Variants in ZMYM2 observed in about 807,000 individuals in gnomAD.
ZMYM2 encodes zinc finger MYM-type containing 2.
ZMYM2 carries 56 observed loss-of-function variants against 162.8 expected under a neutral mutation model. The observed-to-expected ratio is 0.34, with a 90% CI of 0.28 to 0.43. The LOEUF (loss-of-function observed/expected upper bound fraction) is 0.43, where lower values mean the gene tolerates loss of function less well. ZMYM2 is among the 20% of genes least tolerant of loss of function. The pLI is 1.00. For missense variants in ZMYM2, 1,275 were observed against 1,621.8 expected (o/e 0.79, Z 3.67); for synonymous variants, 510 against 541.6 (o/e 0.94, Z 0.81).
the ZMYM2 span, among the ~76,000 whole-genome samples, chr13:19,904,295 G>T: frequency 6.6e-6 from 1 of 151,444 alleles, no homozygotes; most frequent in African/African-American, 2.4e-5. Context: ...GGTGGCTCAT[G>T]CCTGTAATCC....
chr13:19,957,696 C>T (rs1353487126), upstream of ZMYM2, among the ~76,000 whole-genome samples: 1 of 152,240 alleles, frequency 6.6e-6, no homozygotes, highest in Non-Finnish European at 1.5e-5. Context: ...CGGTGGCAGG[C>T]GGTAGAGAGG....
At chr13:20,061,281 T>C in intron 17 of ZMYM2, 57 bp downstream of exon 17, 1 of 1,558,508 alleles carries the variant, frequency 6.4e-7, no homozygotes, top group Non-Finnish European at 8.7e-7. Context: ...TATTTATAAG[T>C]ATTGTTACAG....
chr13:19,981,521 A>T (rs559720312), intron 2 of ZMYM2, among the ~76,000 whole-genome samples: 1 of 152,216 alleles, frequency 6.6e-6, no homozygotes, highest in South Asian at 2.1e-4. Context: ...CCTGCCTCTG[A>T]CCTGCAATAT....
chr13:19,951,353 G>A, the ZMYM2 span, among the ~76,000 whole-genome samples: 1 of 151,866 alleles, frequency 6.6e-6, no homozygotes, highest in Admixed American at 6.6e-5. Flanking sequence ...ATCCACAATA[G>A]GAACTCAAAT....
chr13:20,083,794 T>C lies in ZMYM2; in HGVS notation c.3941+18T>C. On this transcript the variant is annotated intron_variant, in intron 24 of 24. Transcript: ENST00000610343. ...TCTAAAAGGTGAGTGTTAATGATAC[T>C]TAACTTTTAAAAATGTTGGTAGAAG... 1 of 1,592,380 alleles carries C rather than the reference T, an allele frequency of 6.3e-7. No individual in the cohort carries two copies.
At chr13:19,923,663 C>CTT in the ZMYM2 span, among the ~76,000 whole-genome samples, 3 of 72,066 alleles carry the variant, frequency 4.2e-5, no homozygotes, top group African/African-American at 1.7e-4. Context: ...CCTGTAGGGA[C>CTT]TTTTTTTTTT....
intron 21 of ZMYM2, among the ~76,000 whole-genome samples, chr13:20,077,239 A>T (rs1957570687): frequency 6.6e-6 from 1 of 150,602 alleles, no homozygotes; most frequent in Non-Finnish European, 1.5e-5. Context: ...TTGACAACTT[A>T]CATTTACTGA....
At chr13:19,878,710 C>T in the ZMYM2 span, among the ~76,000 whole-genome samples, 2 of 151,914 alleles carry the variant, frequency 1.3e-5, no homozygotes, top group South Asian at 2.1e-4. Context: ...TTAGTAGAGA[C>T]GGGGTTTCAC....
chr13:19,907,638 T>C, the ZMYM2 span, among the ~76,000 whole-genome samples: 1 of 151,576 alleles, frequency 6.6e-6, no homozygotes, highest in African/African-American at 2.4e-5. Context: ...GGCAGGTGCC[T>C]GTAATCCCAG....
At position 20,008,194 on chromosome 13, in the gene ZMYM2, A is replaced by G. The variant is rs142233748; in HGVS notation, c.1512+1608A>G. On this transcript the variant is annotated intron_variant, in intron 6 of 24. Coordinates refer to ENST00000610343, the MANE Select transcript of ZMYM2 (RefSeq NM_197968.4). ...GCCCAAGCTGGAGTGCAGTGGTGCA[A>G]TCTCAGCTCACTGCAGTCTACTTTT... Among the ~76,000 whole-genome samples, 38 of 152,258 alleles carry G rather than the reference A, an allele frequency of 2.5e-4. No homozygotes were observed. The East Asian group carries it at 2.5e-3, about 10-fold the overall frequency.
At chr13:19,882,835 T>C in the ZMYM2 span, among the ~76,000 whole-genome samples, 12,541 of 152,200 alleles carry the variant, frequency 0.082, 558 homozygotes, top group Middle Eastern at 0.12. Context: ...GCAACTACTG[T>C]GGAAAACTAG....
At chr13:20,036,203 A>G (rs1953681470) in intron 11 of ZMYM2, among the ~76,000 whole-genome samples, 1 of 152,212 alleles carries the variant, frequency 6.6e-6, no homozygotes, top group Non-Finnish European at 1.5e-5. Flanking sequence ...TGTAGTAGAA[A>G]AAAGACATAC....
chr13:19,906,143 C>T, the ZMYM2 span, among the ~76,000 whole-genome samples: 5 of 151,380 alleles, frequency 3.3e-5, no homozygotes, highest in African/African-American at 4.9e-5. Context: ...GGCGTGGTGG[C>T]ACATGCCTGT....
chr13:19,896,189 G>A, the ZMYM2 span, among the ~76,000 whole-genome samples: 11 of 151,638 alleles, frequency 7.3e-5, no homozygotes, highest in Non-Finnish European at 1.2e-4. Flanking sequence ...TGTTGCCCAG[G>A]CTGGAGTGCA....
chr13:19,913,328 A>G, the ZMYM2 span, among the ~76,000 whole-genome samples: 1 of 152,110 alleles, frequency 6.6e-6, no homozygotes, highest in Non-Finnish European at 1.5e-5. Context: ...TCCATTATGA[A>G]TTAGGTGTTC....
At position 20,027,464 on chromosome 13, in the gene ZMYM2, T is replaced by G. The variant is rs1952688278; in HGVS notation, c.1851+146T>G. On this transcript the variant is annotated intron_variant, in intron 9 of 24. Transcript: ENST00000610343. ...GAAGGTGGATATCCTAGTCACAGAA[T>G]ATGTGGCTGTACCAGTTTTCTATTT... is the stretch of plus-strand genomic sequence containing the variant. 6 of 582,500 alleles carry G rather than the reference T, an allele frequency of 1.0e-5. No homozygotes were observed. In the South Asian group the frequency reaches 1.7e-4, roughly 17 times the overall value. 36.1% of individuals were successfully genotyped at this position (582,500 alleles called of 1,614,324 possible). A position where few individuals can be genotyped will look rare whatever the true frequency, so the allele number is the denominator to read the frequency against.
At chr13:19,881,885 G>A in the ZMYM2 span, among the ~76,000 whole-genome samples, 1 of 151,332 alleles carries the variant, frequency 6.6e-6, no homozygotes, top group Non-Finnish European at 1.5e-5. Context: ...GGGAGGCCGA[G>A]GCAAGAGAAT....
the ZMYM2 span, among the ~76,000 whole-genome samples, chr13:19,901,739 T>C: frequency 6.6e-6 from 1 of 152,060 alleles, no homozygotes; most frequent in African/African-American, 2.4e-5. Context: ...CCTCCCAAAG[T>C]GCTGGGATTA....
In ZMYM2 at chr13:20,083,733, T is replaced by G. The variant is rs1193742438; in HGVS notation, c.3898T>G (p.Ser1300Ala). ...FEQIENTANP[S>A]RCPVKMFECY... ...ACAAATTGAAAACACAGCCAATCCT[T>G]CCAGATGTCCTGTGAAAATGTTTGA... is the stretch of plus-strand genomic sequence containing the variant. The change falls in exon 24 of 25, where the codon TCC becomes GCC. Residue 1300 changes from serine (S) to alanine (A), a missense_variant. Physicochemically the swap from Ser to Ala is moderately conservative, Grantham distance 99. Coordinates refer to ENST00000610343, the MANE Select transcript of ZMYM2 (RefSeq NM_197968.4). 2 of 1,601,314 alleles carry G rather than the reference T, an allele frequency of 1.2e-6. No individual in the cohort carries two copies. Among genetic ancestry groups the G allele is most frequent in the African/African-American group, 2.7e-5 (2 of 74,774 alleles).
Sources: allele counts gnomAD v4.1 joint callset (sites outside exome capture counted in the v4.1 genomes callset), GRCh38; gene constraint gnomAD v4.1.1; transcripts MANE v1.5; gene names NCBI Gene and HGNC (gene_info 2026-07-23, HGNC 2026-07-21).